Variants in AKNA observed in about 807,000 individuals in gnomAD.
AKNA encodes AT-hook transcription factor.
A neutral mutation model predicts 138.8 loss-of-function variants in AKNA; 67 were observed. The observed-to-expected ratio is 0.48, with a 90% CI of 0.40 to 0.59. AKNA has a LOEUF of 0.59. Among genes scored for constraint, AKNA ranks in the 20% least tolerant of loss-of-function variants. The pLI is 0.00. For missense variants in AKNA, 1,813 were observed against 1,880.4 expected (o/e 0.96, Z 0.66); for synonymous variants, 737 against 754.4 (o/e 0.98, Z 0.38).
chr9:114,348,702 G>C (rs1795910831), intron 15 of AKNA, among the ~76,000 whole-genome samples: 2 of 152,214 alleles, frequency 1.3e-5, no homozygotes, highest in South Asian at 2.1e-4. Context: ...TCAGGGTCTT[G>C]TTTTGTGGGC....
chr9:114,360,322 ACGATTATTAC>A, intron 9 of AKNA, among the ~76,000 whole-genome samples: 1 of 152,160 alleles, frequency 6.6e-6, no homozygotes, highest in East Asian at 1.9e-4. Flanking sequence ...ACCAGTACCT[ACGATTATTAC>A]AAACCATTTT....
At chr9:114,362,303 C>T in intron 8 of AKNA, 103 bp downstream of exon 8, 1 of 1,425,344 alleles carries the variant, frequency 7.0e-7, no homozygotes, top group East Asian at 2.5e-5. Context: ...CTCTCTATTC[C>T]CCGTGTACAA....
intron 7 of AKNA, among the ~76,000 whole-genome samples, chr9:114,363,325 A>G (rs1046180193): frequency 3.3e-5 from 5 of 152,240 alleles, no homozygotes; most frequent in African/African-American, 1.2e-4. Context: ...TCTTACTACC[A>G]TCCACATCCC....
chr9:114,351,023 TAGGGAGGC>T lies in AKNA; in HGVS notation c.3059-10_3059-3del. 6.2e-7 allele frequency: 1 copy of T among 1,613,228 alleles called. No individual in the cohort carries two copies. The highest frequency in any genetic ancestry group is 8.5e-7 in the Non-Finnish European group (1 of 1,179,674). ...CCTCAAACTCTGAGCCAGGAACCGC[TAGGGAGGC>T]AGAGAGAGAACCCAAAGTGAGTTTA... On this transcript the variant is annotated splice_polypyrimidine_tract_variant and splice_region_variant and intron_variant, in intron 14 of 21. Coordinates refer to ENST00000374088, the MANE Select transcript of AKNA (RefSeq NM_001317950.2).
At chr9:114,354,913 G>C (rs2131875103) in intron 14 of AKNA, among the ~76,000 whole-genome samples, 1 of 145,370 alleles carries the variant, frequency 6.9e-6, no homozygotes, top group South Asian at 2.2e-4. Context: ...CTGTCACCCA[G>C]GCTGGTGTGC....
At chr9:114,368,049 T>C (rs1173174785) in intron 5 of AKNA, among the ~76,000 whole-genome samples, 2 of 152,218 alleles carry the variant, frequency 1.3e-5, no homozygotes, top group Non-Finnish European at 2.9e-5. Context: ...ACCTCTCCAA[T>C]TGGTCCCCTT....
chr9:114,337,335 C>T (rs1399974560), intron 21 of AKNA, 29 bp from the exon 22 acceptor site: 1 of 1,413,126 alleles, frequency 7.1e-7, no homozygotes, highest in East Asian at 2.6e-5. Flanking sequence ...GGGCTCGTTA[C>T]ACATGGGGAG....
At position 114,350,962 on chromosome 9, in the gene AKNA, T is replaced by G; in HGVS notation, c.3118A>C (p.Lys1040Gln). Residue 1040 changes from lysine to glutamine, a missense_variant, in exon 15 of 22, where the codon AAG becomes CAG. Physicochemically the swap from Lys to Gln is moderately conservative, Grantham distance 53 (BLOSUM62 1). Transcript: ENST00000374088. ...KRISEQPLPN[K>Q]TISPPPAPAP... ...GGGGCTGGGGGTGGGCTGATTGTCT[T>G]GTTGGGAAGGGGCTGTTCAGAAATC... 1 of 1,613,378 alleles carries G rather than the reference T, an allele frequency of 6.2e-7. No homozygotes were observed. The highest frequency in any genetic ancestry group is 8.5e-7 in the Non-Finnish European group (1 of 1,179,834).
chr9:114,359,338 G>A, intron 11 of AKNA: 1 of 684,002 alleles, frequency 1.5e-6, no homozygotes, highest in Non-Finnish European at 2.3e-6. Flanking sequence ...CTCAATGCTG[G>A]GATTACAGGC....
intron 6 of AKNA, among the ~76,000 whole-genome samples, chr9:114,365,657 G>C (rs1489527693): frequency 6.6e-6 from 1 of 152,032 alleles, no homozygotes; most frequent in East Asian, 1.9e-4. Context: ...AATGTAAAAA[G>C]AAACAGGTAA....
At chr9:114,343,863 A>C in intron 18 of AKNA, 60 bp from the exon 19 acceptor site, 2 of 1,406,588 alleles carry the variant, frequency 1.4e-6, no homozygotes, top group African/African-American at 1.4e-5. Context: ...AAATAGAGGA[A>C]GATTCTGGAA....
intron 11 of AKNA, 169 bp downstream of exon 11, chr9:114,359,424 AC>A (rs1279219945): frequency 1.5e-6 from 2 of 1,318,024 alleles, no homozygotes; most frequent in Non-Finnish European, 2.0e-6. Flanking sequence ...GTCCCACACT[AC>A]CCAAAATCAT....
chr9:114,345,638 G>A (rs1294399807), intron 18 of AKNA: 5 of 506,002 alleles, frequency 9.9e-6, no homozygotes, highest in East Asian at 7.2e-5. Flanking sequence ...CCCTGGCAAA[G>A]GGGAAGCATC....
intron 6 of AKNA, among the ~76,000 whole-genome samples, chr9:114,365,829 C>G (rs577434863): frequency 6.6e-6 from 1 of 152,230 alleles, no homozygotes; most frequent in Non-Finnish European, 1.5e-5. Flanking sequence ...AAGTACTCAA[C>G]AGTCACATGT....
intron 7 of AKNA, among the ~76,000 whole-genome samples, 174 bp from the exon 8 acceptor site, chr9:114,362,707 C>A (rs912755460): frequency 2.0e-5 from 3 of 152,214 alleles, no homozygotes; most frequent in Non-Finnish European, 2.9e-5. Flanking sequence ...CCCTGGAGAG[C>A]TGCCGTGGTC....
chr9:114,396,561 C>T (rs1046965091), upstream of AKNA, among the ~76,000 whole-genome samples: 1 of 152,022 alleles, frequency 6.6e-6, no homozygotes, highest in East Asian at 1.9e-4. Flanking sequence ...CGCCTGTGAT[C>T]CCAGCTACTC....
chr9:114,359,823 C>T lies in AKNA; in HGVS notation c.2292-29G>A, dbSNP rs1831800178. 2.5e-6 allele frequency: 4 copies of T among 1,610,398 alleles called. 1 individual carries two copies. The South Asian group carries it at 3.3e-5, about 13-fold the overall frequency. On this transcript the variant is annotated intron_variant, in intron 10 of 21. Coordinates refer to ENST00000374088, the MANE Select transcript of AKNA (RefSeq NM_001317950.2). ...CAGAAGAACACACAGAGGGGCATGA[C>T]CTCTGCCCAGTGGGGGACAGCCAAG...
intron 7 of AKNA, 24 bp downstream of exon 7, chr9:114,364,536 G>T (rs755343973): frequency 4.3e-6 from 7 of 1,613,076 alleles, no homozygotes; most frequent in Non-Finnish European, 5.9e-6. Context: ...CAGTTCCATG[G>T]GTGGCTCCTG....
downstream of AKNA, chr9:114,331,984 C>T (rs1040042525): frequency 2.0e-6 from 3 of 1,467,766 alleles, no homozygotes; most frequent in African/African-American, 1.5e-5. Flanking sequence ...ACTTGGGCAG[C>T]CCCAGAGGCC....
Sources: allele counts gnomAD v4.1 joint callset (sites outside exome capture counted in the v4.1 genomes callset), GRCh38; gene constraint gnomAD v4.1.1; transcripts MANE v1.5; gene names NCBI Gene and HGNC (gene_info 2026-07-23, HGNC 2026-07-21).